The following TCF7L1 variants were observed in gnomAD, a reference collection of about 807,000 sequenced individuals.
TCF7L1 encodes transcription factor 7-like 1.
In TCF7L1, 18 loss-of-function variants were observed where a neutral mutation model predicts 63.7. That is an observed-to-expected ratio of 0.28 (90% CI 0.20 to 0.42). The LOEUF (loss-of-function observed/expected upper bound fraction) is 0.42. Ranked by LOEUF, TCF7L1 falls within the 10% of genes least tolerant of loss-of-function variation. The probability of loss-of-function intolerance (pLI) is 1.00; values close to 1 mark genes in which losing one functional copy is unlikely to be tolerated. For synonymous variants in TCF7L1, 355 were observed against 340.9 expected, an observed-to-expected ratio of 1.04 and a Z score of -0.46; for missense variants, 654 against 779.3, an observed-to-expected ratio of 0.84 and a Z score of 1.91.
intron 3 of TCF7L1, among the ~76,000 whole-genome samples, chr2:85,225,752 A>G (rs567023117): frequency 6.4e-4 from 97 of 152,274 alleles, no homozygotes; most frequent in Non-Finnish European, 1.2e-3. Context: ...CTCTTTTCCT[A>G]ATTGAATACC....
chr2:85,291,482 T>C (rs1681714558), intron 4 of TCF7L1, among the ~76,000 whole-genome samples: 1 of 152,228 alleles, frequency 6.6e-6, no homozygotes. Context: ...CATTTCCATC[T>C]GAAGCCTCAC....
At chr2:85,136,007 C>G (rs890496797) in intron 3 of TCF7L1, among the ~76,000 whole-genome samples, 1 of 151,966 alleles carries the variant, frequency 6.6e-6, no homozygotes, top group African/African-American at 2.4e-5. Flanking sequence ...ACACATGTAG[C>G]TTAGTTCTGC....
chr2:85,183,428 A>G (rs1183291216), intron 3 of TCF7L1, among the ~76,000 whole-genome samples: 2 of 152,190 alleles, frequency 1.3e-5, no homozygotes, highest in Non-Finnish European at 2.9e-5. Context: ...TGCGTCAGAC[A>G]GTAGTCAGAT....
intron 3 of TCF7L1, among the ~76,000 whole-genome samples, chr2:85,184,682 G>T (rs1332253285): frequency 1.3e-5 from 2 of 152,132 alleles, no homozygotes; most frequent in East Asian, 1.9e-4. Context: ...TAAGGACAAG[G>T]CTGCAGCACT....
At chr2:85,196,212 C>T (rs1447154398) in intron 3 of TCF7L1, among the ~76,000 whole-genome samples, 1 of 152,190 alleles carries the variant, frequency 6.6e-6, no homozygotes, top group African/African-American at 2.4e-5. Flanking sequence ...GCAAGTGTAT[C>T]CCTGAATAGT....
intron 3 of TCF7L1, among the ~76,000 whole-genome samples, chr2:85,256,136 T>G (rs1173220476): frequency 6.6e-6 from 1 of 152,194 alleles, no homozygotes; most frequent in Non-Finnish European, 1.5e-5. Flanking sequence ...CCCGGCCTTG[T>G]GCTAATCTTG....
intron 3 of TCF7L1, among the ~76,000 whole-genome samples, chr2:85,272,826 A>T (rs1035912122): frequency 6.6e-6 from 1 of 152,144 alleles, no homozygotes; most frequent in Non-Finnish European, 1.5e-5. Context: ...CAATCAATCA[A>T]TCAATAAAAA....
rs144847789 is a variant in TCF7L1, at chr2:85,309,336, C to G, written c.1641C>G (p.Pro547=). ...SQPPLLSRPL[P]LGSMPTALLA... ...CTCCCCTCCTGTCCCGGCCCCTCCC[C>G]CTTGGGTCCATGCCCACAGCTCTGC... The change falls in exon 12 of 12, where the codon CCC becomes CCG. Residue 547 remains proline (P), a synonymous_variant. Coordinates refer to ENST00000282111, the MANE Select transcript of TCF7L1 (RefSeq NM_031283.3). 9.5e-4 allele frequency: 1,540 copies of G among 1,612,878 alleles called. 3 individuals carry two copies. Among genetic ancestry groups the G allele is most frequent in the South Asian group, 1.1e-3 (101 of 90,956 alleles).
chr2:85,137,773 A>G (rs969525500), intron 3 of TCF7L1, among the ~76,000 whole-genome samples: 1 of 152,074 alleles, frequency 6.6e-6, no homozygotes, highest in African/African-American at 2.4e-5. Flanking sequence ...AGCACCTGCA[A>G]TTCCAGCTAC....
intron 4 of TCF7L1, among the ~76,000 whole-genome samples, chr2:85,297,916 A>T (rs1237530827): frequency 6.6e-6 from 1 of 151,802 alleles, no homozygotes; most frequent in Admixed American, 6.6e-5. Flanking sequence ...TTAACACTGT[A>T]TTAAAATATT....
At chr2:85,241,091 G>A (rs1029262006) in intron 3 of TCF7L1, among the ~76,000 whole-genome samples, 3 of 152,192 alleles carry the variant, frequency 2.0e-5, no homozygotes, top group Non-Finnish European at 4.4e-5. Flanking sequence ...AAATCAGAAA[G>A]TACAAGTTCT....
chr2:85,198,579 C>A (rs528380101), intron 3 of TCF7L1, among the ~76,000 whole-genome samples: 1 of 152,268 alleles, frequency 6.6e-6, no homozygotes, highest in East Asian at 1.9e-4. Flanking sequence ...GGCTTTGGGG[C>A]TCCAGAATGA....
intron 3 of TCF7L1, among the ~76,000 whole-genome samples, chr2:85,201,942 T>G (rs56044202): frequency 1.2e-4 from 4 of 34,080 alleles, no homozygotes; most frequent in African/African-American, 8.6e-4. Flanking sequence ...TGACTTTTTA[T>G]TTATTTATTT....
chr2:85,195,235 A>C (rs1048054810), intron 3 of TCF7L1, among the ~76,000 whole-genome samples: 10 of 152,236 alleles, frequency 6.6e-5, no homozygotes, highest in Admixed American at 5.2e-4. Context: ...TGTCATGGAG[A>C]CTGAATGAGT....
chr2:85,277,904 A>G (rs899527764), intron 3 of TCF7L1, among the ~76,000 whole-genome samples: 1 of 152,114 alleles, frequency 6.6e-6, no homozygotes, highest in Non-Finnish European at 1.5e-5. Flanking sequence ...CACACTAAGC[A>G]AGTGTGGGAC....
intron 3 of TCF7L1, among the ~76,000 whole-genome samples, chr2:85,150,296 C>T (rs1677978502): frequency 6.6e-6 from 1 of 150,468 alleles, no homozygotes; most frequent in South Asian, 2.1e-4. Flanking sequence ...TGCAGTGAAG[C>T]GATCTCAGCT....
intron 3 of TCF7L1, among the ~76,000 whole-genome samples, chr2:85,173,297 G>T (rs926224770): frequency 6.6e-6 from 1 of 151,976 alleles, no homozygotes; most frequent in African/African-American, 2.4e-5. Context: ...AGCTGCAGGG[G>T]TGTGGAGGAG....
chr2:85,182,945 G>A (rs1169171173), intron 3 of TCF7L1, among the ~76,000 whole-genome samples: 1 of 152,194 alleles, frequency 6.6e-6, no homozygotes, highest in African/African-American at 2.4e-5. Flanking sequence ...AGAGGATGCC[G>A]ATGCTGCTGG....
At chr2:85,180,156 G>T (rs1466849954) in intron 3 of TCF7L1, among the ~76,000 whole-genome samples, 1 of 151,844 alleles carries the variant, frequency 6.6e-6, no homozygotes, top group African/African-American at 2.4e-5. Flanking sequence ...TGGGGAGGGA[G>T]ATGTGAGGCT....
Sources: allele counts gnomAD v4.1 joint callset (sites outside exome capture counted in the v4.1 genomes callset), GRCh38; gene constraint gnomAD v4.1.1; transcripts MANE v1.5; gene names NCBI Gene and HGNC (gene_info 2026-07-23, HGNC 2026-07-21).